The following SLC26A7 variants were observed in gnomAD, a reference collection of about 807,000 sequenced individuals.
The protein encoded by SLC26A7 is solute carrier family 26 member 7, also known as anion exchange transporter.
Under a neutral mutation model 82.5 loss-of-function variants are expected in SLC26A7, and 59 were observed. That is an observed-to-expected ratio of 0.72 (90% CI 0.58 to 0.89). The LOEUF is 0.89. Ranked by LOEUF, SLC26A7 falls within the 40% of genes least tolerant of loss-of-function variation. SLC26A7 has a pLI of 0.00. For missense variants in SLC26A7, 820 were observed against 793.0 expected (o/e 1.03, Z -0.41); for synonymous variants, 271 against 274.3 (o/e 0.99, Z 0.12).
At chr8:91,327,439 G>A (rs977696729) in intron 5 of SLC26A7, among the ~76,000 whole-genome samples, 1 of 152,008 alleles carries the variant, frequency 6.6e-6, no homozygotes, top group African/African-American at 2.4e-5. Context: ...TAGTTTATTC[G>A]GTGGTGCTAC....
chr8:91,226,030 A>G (rs942821690), intron 2 of SLC26A7, among the ~76,000 whole-genome samples: 7 of 152,030 alleles, frequency 4.6e-5, no homozygotes, highest in African/African-American at 1.7e-4. Flanking sequence ...CCTCTTCTGT[A>G]TTTCTCTCAA....
Position 91,340,305 on chromosome 8 carries a change from A to G in SLC26A7, c.879-99A>G, listed in dbSNP as rs754662723. 4.9e-5 allele frequency: 71 copies of G among 1,437,126 alleles called. No individual in the cohort carries two copies. The South Asian group carries it at 7.3e-4, about 15-fold the overall frequency. 89.0% of individuals were successfully genotyped at this position (1,437,126 alleles called of 1,614,324 possible). A position where few individuals can be genotyped will look rare whatever the true frequency, so the allele number is the denominator to read the frequency against. On this transcript the variant is annotated intron_variant, in intron 7 of 18. Transcript: ENST00000276609. ...TTCTCATGGGTATTTCACTTAGTCT[A>G]TGTAAACTTCAGAGTCATTGCCACA...
intron 2 of SLC26A7, among the ~76,000 whole-genome samples, chr8:91,283,462 A>G (rs1435864748): frequency 6.6e-6 from 1 of 152,140 alleles, no homozygotes; most frequent in East Asian, 1.9e-4. Flanking sequence ...ATTTTCATTG[A>G]AAAGGCTACT....
chr8:91,377,958 C>T (rs1586471235), intron 15 of SLC26A7, among the ~76,000 whole-genome samples: 1 of 151,938 alleles, frequency 6.6e-6, no homozygotes, highest in Admixed American at 6.6e-5. Context: ...TCTGATGTTC[C>T]TAGTTAGCCA....
intron 2 of SLC26A7, among the ~76,000 whole-genome samples, chr8:91,280,897 A>G (rs1811554182): frequency 6.6e-6 from 1 of 152,192 alleles, no homozygotes; most frequent in African/African-American, 2.4e-5. Context: ...ATATATGATG[A>G]GCTATATTTC....
chr8:91,354,134 A>G (rs1813797779), intron 11 of SLC26A7, among the ~76,000 whole-genome samples: 1 of 152,136 alleles, frequency 6.6e-6, no homozygotes, highest in African/African-American at 2.4e-5. Context: ...TAGGTGGCTC[A>G]TGAAAACAAA....
chr8:91,222,755 G>T (rs1810178430), intron 2 of SLC26A7, among the ~76,000 whole-genome samples: 1 of 152,140 alleles, frequency 6.6e-6, no homozygotes, highest in Non-Finnish European at 1.5e-5. Flanking sequence ...GATTCAGTTT[G>T]CCAGTGTTTT....
intron 5 of SLC26A7, among the ~76,000 whole-genome samples, chr8:91,318,874 T>G (rs1812715008): frequency 6.6e-6 from 1 of 152,196 alleles, no homozygotes; most frequent in Non-Finnish European, 1.5e-5. Flanking sequence ...TTGCAACATA[T>G]TTTTCTAACA....
intron 2 of SLC26A7, among the ~76,000 whole-genome samples, chr8:91,279,849 C>T (rs768777118): frequency 5.9e-5 from 9 of 152,178 alleles, no homozygotes; most frequent in East Asian, 1.9e-4. Context: ...TGAGCCACCG[C>T]GCCCAGCCGT....
At chr8:91,341,285 A>G (rs929490869) in intron 8 of SLC26A7, among the ~76,000 whole-genome samples, 3 of 151,934 alleles carry the variant, frequency 2.0e-5, no homozygotes, top group Non-Finnish European at 4.4e-5. Context: ...ATGATTTCCA[A>G]TTTCATCCAT....
intron 7 of SLC26A7, among the ~76,000 whole-genome samples, chr8:91,339,476 C>T (rs531360341): frequency 4.5e-4 from 69 of 152,162 alleles, no homozygotes; most frequent in Admixed American, 3.9e-3. Context: ...ATGTTTTCTC[C>T]TCTATACAGT....
In SLC26A7 at chr8:91,398,149, G is replaced by A. The variant is rs941500266; in HGVS notation, c.*3052G>A. 1 of 152,396 alleles carries A rather than the reference G, an allele frequency of 6.6e-6. No homozygotes were observed. Among genetic ancestry groups the A allele is most frequent in the African/African-American group, 2.4e-5 (1 of 41,398 alleles). The allele number at this position is 152,396 out of a possible 1,614,324, so 9.4% of individuals were successfully genotyped here. ...TAAATCGAAATATGATAACTATTAT[G>A]CTTAAATGGATTTGCGTCTATTATT... On this transcript the variant is annotated 3_prime_UTR_variant, in exon 19 of 19. Transcript: ENST00000276609.
intron 5 of SLC26A7, among the ~76,000 whole-genome samples, chr8:91,322,430 A>G (rs1812817442): frequency 6.6e-6 from 1 of 152,146 alleles, no homozygotes; most frequent in African/African-American, 2.4e-5. Context: ...AAATTGTTCT[A>G]TTCTTGGCTT....
intron 1 of SLC26A7, among the ~76,000 whole-genome samples, chr8:91,214,051 T>C (rs1809990597): frequency 6.6e-6 from 1 of 152,126 alleles, no homozygotes; most frequent in Admixed American, 6.6e-5. Context: ...AAAGAGTCAC[T>C]TGGCAATAGT....
At chr8:91,293,984 A>T (rs1280110561) in intron 3 of SLC26A7, among the ~76,000 whole-genome samples, 1 of 152,192 alleles carries the variant, frequency 6.6e-6, no homozygotes, top group Non-Finnish European at 1.5e-5. Context: ...AATCAGTTAT[A>T]TTACATTAGT....
chr8:91,340,525 T>C lies in SLC26A7; in HGVS notation c.1000T>C (p.Phe334Leu). The C allele has an allele frequency of 6.2e-7, 1 of 1,613,740 alleles. No homozygotes were observed. Among genetic ancestry groups the C allele is most frequent in the Non-Finnish European group, 8.5e-7 (1 of 1,179,896 alleles). The change falls in exon 8 of 19, where the codon TTC becomes CTC. Residue 334 changes from phenylalanine to leucine, a missense_variant. Coordinates refer to ENST00000276609, the MANE Select transcript of SLC26A7 (RefSeq NM_052832.4). ...LALAQGSAKK[F>L]KYSIDDNQEF... ...TCTTGCTCAAGGATCTGCCAAAAAA[T>C]TCAAATATTCAATTGATGACAACCA...
At chr8:91,304,168 G>T (rs1050608376) in intron 4 of SLC26A7, among the ~76,000 whole-genome samples, 1 of 152,016 alleles carries the variant, frequency 6.6e-6, no homozygotes, top group African/African-American at 2.4e-5. Context: ...AATTATTTAG[G>T]AATAATTCCC....
intron 7 of SLC26A7, 33 bp downstream of exon 7, chr8:91,338,265 G>T (rs1283668110): frequency 1.3e-6 from 2 of 1,499,730 alleles, no homozygotes; most frequent in South Asian, 1.2e-5. Context: ...CATATTATTT[G>T]TTTGTTTGTT....
chr8:91,362,696 A>G (rs1814083032), intron 12 of SLC26A7, among the ~76,000 whole-genome samples: 1 of 152,106 alleles, frequency 6.6e-6, no homozygotes, highest in South Asian at 2.1e-4. Context: ...GTGATAAAAT[A>G]GAATATATAA....
Sources: gnomAD v4.1 joint callset for allele counts (sites outside exome capture counted in the v4.1 genomes callset) on GRCh38, gnomAD v4.1.1 for gene constraint, MANE v1.5 for transcripts, NCBI Gene and HGNC (gene_info 2026-07-23, HGNC 2026-07-21) for gene names.